Variants in CNTNAP2 observed in about 807,000 individuals in gnomAD.
CNTNAP2 encodes contactin-associated protein-like 2.
Under a neutral mutation model 155.2 loss-of-function variants are expected in CNTNAP2, and 98 were observed. The ratio of observed to expected loss-of-function variants is 0.63; its 90% CI spans 0.54 to 0.75. The LOEUF (loss-of-function observed/expected upper bound fraction) is 0.75, where lower values mean the gene tolerates loss of function less well. Ranked by LOEUF, CNTNAP2 falls within the 30% of genes least tolerant of loss-of-function variation. CNTNAP2 has a pLI of 0.00. For synonymous variants in CNTNAP2, 651 were observed against 631.2 expected (o/e 1.03, Z -0.47); for missense variants, 1,727 against 1,688.1 (o/e 1.02, Z -0.40).
intron 13 of CNTNAP2, among the ~76,000 whole-genome samples, chr7:147,835,918 G>A (rs994112891): frequency 1.3e-5 from 2 of 152,158 alleles, no homozygotes; most frequent in African/African-American, 4.8e-5. Context: ...AGCTGAAAGA[G>A]GCAACAAACC....
chr7:148,178,415 T>C (rs1038726553), intron 18 of CNTNAP2, among the ~76,000 whole-genome samples: 1 of 152,216 alleles, frequency 6.6e-6, no homozygotes, highest in African/African-American at 2.4e-5. Flanking sequence ...ATTTGAATAG[T>C]CATTCAATCA....
chr7:146,684,699 C>G (rs1370301768), intron 1 of CNTNAP2, among the ~76,000 whole-genome samples: 6 of 141,384 alleles, frequency 4.2e-5, no homozygotes, highest in African/African-American at 1.5e-4. Flanking sequence ...ACTATGTGAC[C>G]TGGTGCAATT....
Position 146,191,901 on chromosome 7 carries a change from G to C in CNTNAP2, c.97+74928G>C, listed in dbSNP as rs774933816. On this transcript the variant is annotated intron_variant, in intron 1 of 23. Coordinates refer to ENST00000361727, the MANE Select transcript of CNTNAP2 (RefSeq NM_014141.6). Reference sequence around the variant, plus strand: ...TTTACGAACAATTTGTGCAGTTAACGCAATCATCACAGGGTCTTGAGGCAA... The same window carrying C: ...TTTACGAACAATTTGTGCAGTTAACCCAATCATCACAGGGTCTTGAGGCAA... Among the ~76,000 whole-genome samples, 6 of 152,014 alleles carry C rather than the reference G, an allele frequency of 3.9e-5. 1 individual carries two copies. Among genetic ancestry groups the C allele is most frequent in the Non-Finnish European group, 2.9e-5 (2 of 68,018 alleles).
intron 1 of CNTNAP2, among the ~76,000 whole-genome samples, chr7:146,535,473 T>C (rs1451899350): frequency 8.0e-6 from 1 of 125,250 alleles, no homozygotes; most frequent in Non-Finnish European, 1.6e-5. Flanking sequence ...GGCATGACAC[T>C]CAAATCTCTT....
At chr7:146,264,821 T>C (rs969503501) in intron 1 of CNTNAP2, among the ~76,000 whole-genome samples, 3 of 152,104 alleles carry the variant, frequency 2.0e-5, no homozygotes, top group African/African-American at 2.4e-5. Flanking sequence ...TCAAAGCAGA[T>C]AGGGGGATCG....
At chr7:146,797,214 T>C (rs535153295) in intron 2 of CNTNAP2, among the ~76,000 whole-genome samples, 4 of 152,262 alleles carry the variant, frequency 2.6e-5, no homozygotes, top group African/African-American at 9.6e-5. Flanking sequence ...GTAAGAAAAA[T>C]CTTATTAGTT....
At chr7:146,305,657 A>C (rs1296469186) in intron 1 of CNTNAP2, among the ~76,000 whole-genome samples, 1 of 152,136 alleles carries the variant, frequency 6.6e-6, no homozygotes, top group East Asian at 1.9e-4. Flanking sequence ...CGAGGTCCAT[A>C]ACAAAATGGA....
intron 14 of CNTNAP2, among the ~76,000 whole-genome samples, chr7:147,927,910 T>G (rs1800426018): frequency 6.6e-6 from 1 of 152,172 alleles, no homozygotes; most frequent in Admixed American, 6.5e-5. Flanking sequence ...TATGCAGTCT[T>G]GGTGATATGG....
chr7:146,640,187 A>C (rs1799681151), intron 1 of CNTNAP2, among the ~76,000 whole-genome samples: 1 of 152,070 alleles, frequency 6.6e-6, no homozygotes, highest in African/African-American at 2.4e-5. Context: ...GCCACCTTTT[A>C]TGTTTATGGC....
At chr7:146,439,148 C>A (rs933460991) in intron 1 of CNTNAP2, among the ~76,000 whole-genome samples, 26 of 151,478 alleles carry the variant, frequency 1.7e-4, no homozygotes, top group Admixed American at 2.0e-4. Context: ...AACTGGAGAG[C>A]ACATTTCTCC....
intron 21 of CNTNAP2, among the ~76,000 whole-genome samples, chr7:148,278,250 CTG>C (rs1796910748): frequency 1.3e-5 from 2 of 152,170 alleles, no homozygotes; most frequent in South Asian, 4.2e-4. Context: ...CAGGAGAACT[CTG>C]TGACCTCCTC....
intron 12 of CNTNAP2, among the ~76,000 whole-genome samples, chr7:147,632,774 G>C (rs1349137706): frequency 1.3e-5 from 2 of 152,172 alleles, no homozygotes; most frequent in Non-Finnish European, 2.9e-5. Flanking sequence ...ACAAGAAAAT[G>C]TGGGAAAGTT....
intron 1 of CNTNAP2, among the ~76,000 whole-genome samples, chr7:146,175,779 A>AT (rs1473682149): frequency 1.3e-5 from 2 of 152,116 alleles, no homozygotes; most frequent in South Asian, 4.1e-4. Context: ...CCTCTATAAT[A>AT]TTACAATTGC....
chr7:147,469,770 G>A (rs533488118), intron 10 of CNTNAP2, among the ~76,000 whole-genome samples: 154 of 151,830 alleles, frequency 1.0e-3, no homozygotes, highest in African/African-American at 3.5e-3. Flanking sequence ...CGCCCTCCTC[G>A]GCCTCCCAAA....
At chr7:146,651,258 T>C (rs1247447230) in intron 1 of CNTNAP2, among the ~76,000 whole-genome samples, 1 of 152,142 alleles carries the variant, frequency 6.6e-6, no homozygotes, top group Non-Finnish European at 1.5e-5. Context: ...TGTGTTGTTA[T>C]GCAGAATTCA....
chr7:148,110,290 C>A (rs562730694), intron 15 of CNTNAP2, among the ~76,000 whole-genome samples: 1 of 152,046 alleles, frequency 6.6e-6, no homozygotes, highest in Admixed American at 6.5e-5. Flanking sequence ...ATCTGCCTCA[C>A]GTTGCCCAGT....
intron 21 of CNTNAP2, among the ~76,000 whole-genome samples, chr7:148,283,287 G>A (rs1353670887): frequency 3.6e-5 from 3 of 84,240 alleles, no homozygotes; most frequent in African/African-American, 1.4e-4. Flanking sequence ...AAGAAAGAAA[G>A]AAAGAAAGAA....
intron 13 of CNTNAP2, among the ~76,000 whole-genome samples, chr7:147,800,082 A>G (rs1797959516): frequency 6.6e-6 from 1 of 152,224 alleles, no homozygotes; most frequent in Non-Finnish European, 1.5e-5. Flanking sequence ...TAATAATATA[A>G]GACAATGAGG....
chr7:147,901,924 G>A (rs1031355000), intron 13 of CNTNAP2, among the ~76,000 whole-genome samples: 8 of 152,218 alleles, frequency 5.3e-5, no homozygotes, highest in African/African-American at 1.9e-4. Flanking sequence ...AATCTGCTGT[G>A]TGGTTAAAAG....
Sources: allele counts gnomAD v4.1 joint callset (sites outside exome capture counted in the v4.1 genomes callset), GRCh38; gene constraint gnomAD v4.1.1; transcripts MANE v1.5; gene names NCBI Gene and HGNC (gene_info 2026-07-23, HGNC 2026-07-21).